BIRC6: variants seen among roughly 807,000 people sequenced by gnomAD.
BIRC6 encodes baculoviral IAP repeat containing 6, also known as dual E2 ubiquitin-conjugating enzyme/E3 ubiquitin-protein ligase BIRC6.
Under a neutral mutation model 503.3 loss-of-function variants are expected in BIRC6, and 98 were observed. The observed-to-expected ratio is 0.19, with a 90% CI of 0.17 to 0.23. The LOEUF (loss-of-function observed/expected upper bound fraction) is 0.23, where lower values mean the gene tolerates loss of function less well. Ranked by LOEUF, BIRC6 falls within the 10% of genes least tolerant of loss-of-function variation. BIRC6 has a pLI of 1.00. For missense variants in BIRC6, 5,360 were observed against 5,806.0 expected, an observed-to-expected ratio of 0.92 and a Z score of 2.50; for synonymous variants, 2,240 against 2,078.7, an observed-to-expected ratio of 1.08 and a Z score of -2.11.
intron 26 of BIRC6, among the ~76,000 whole-genome samples, chr2:32,467,222 C>T (rs1408811717): frequency 6.6e-6 from 1 of 152,070 alleles, no homozygotes; most frequent in African/African-American, 2.4e-5. Flanking sequence ...GCCTGGAGCT[C>T]CTCGGCTCAA....
intron 53 of BIRC6, among the ~76,000 whole-genome samples, chr2:32,511,064 G>A (rs1267613788): frequency 6.6e-6 from 1 of 151,920 alleles, no homozygotes; most frequent in African/African-American, 2.4e-5. Context: ...ATTTATTATT[G>A]ATTATCGTAT....
chr2:32,429,940 T>C (rs1422022733), intron 11 of BIRC6, among the ~76,000 whole-genome samples: 3 of 152,118 alleles, frequency 2.0e-5, no homozygotes, highest in South Asian at 4.1e-4. Flanking sequence ...ATTGGTTGAA[T>C]GGAGAAGATT....
At chr2:32,602,425 TGGGAGGGAAAGGTAGAG>T (rs2062126904) in intron 70 of BIRC6, 1 of 152,076 alleles carries the variant, frequency 6.6e-6, no homozygotes, top group South Asian at 2.1e-4. Flanking sequence ...GTACTAAAGC[TGGGAGGGAAAGGTAGAG>T]AGGAGGGAAT....
In BIRC6 at chr2:32,617,793, T is replaced by C. The variant is rs2063338369; in HGVS notation, c.14463T>C (p.Thr4821=). ...LPCPEGLDPD[T]DDAPEVCRAT... is the part of the protein sequence containing the mutation. ...GCCCTGAAGGCTTGGATCCTGACAC[T>C]GACGATGCCCCAGAGGTGTGCAGAG... The change falls in exon 74 of 74, where the codon ACT becomes ACC. Residue 4821 remains threonine (T), a synonymous_variant. Transcript: ENST00000421745. The C allele has an allele frequency of 6.2e-7, 1 of 1,613,872 alleles. No individual in the cohort carries two copies. Among genetic ancestry groups the C allele is most frequent in the African/African-American group, 1.3e-5 (1 of 74,928 alleles).
At chr2:32,559,426 A>G (rs2059003353) in intron 65 of BIRC6, among the ~76,000 whole-genome samples, 1 of 152,214 alleles carries the variant, frequency 6.6e-6, no homozygotes, top group African/African-American at 2.4e-5. Context: ...TGTAATAACA[A>G]TGAAGTATGT....
In BIRC6 at chr2:32,545,764, A is replaced by G. The variant is rs2058015046; in HGVS notation, c.12714A>G (p.Ala4238=). 6.2e-7 allele frequency: 1 copy of G among 1,613,914 alleles called. No homozygotes were observed. Among genetic ancestry groups the G allele is most frequent in the Non-Finnish European group, 8.5e-7 (1 of 1,179,838 alleles). Residue 4238 remains alanine (A), a synonymous_variant, in exon 63 of 74, where the codon GCA becomes GCG. Transcript: ENST00000421745. ...TDDGVLLRRM[A]LEIGALHLIL... ...ATGGTGTACTTCTAAGGCGGATGGC[A>G]TTGGAAATTGGAGCCTTACACCTCA... is the stretch of plus-strand genomic sequence containing the variant.
At chr2:32,532,274 A>G (rs750384239) in intron 61 of BIRC6, 17 of 497,728 alleles carry the variant, frequency 3.4e-5, no homozygotes, top group Non-Finnish European at 6.2e-5. Context: ...TTTATTCTCA[A>G]TAGTTGAGGA....
intron 10 of BIRC6, among the ~76,000 whole-genome samples, chr2:32,426,149 T>A (rs2043465527): frequency 6.6e-6 from 1 of 152,224 alleles, no homozygotes; most frequent in Non-Finnish European, 1.5e-5. Flanking sequence ...CCGTGTTGAT[T>A]CTGGTTTCTT....
chr2:32,485,077 T>G (rs956880365), intron 39 of BIRC6, among the ~76,000 whole-genome samples: 2 of 152,246 alleles, frequency 1.3e-5, no homozygotes, highest in African/African-American at 4.8e-5. Context: ...GAGCATGGTA[T>G]TTCAAAACCT....
chr2:32,435,455 A>T, intron 13 of BIRC6, 41 bp from the exon 14 acceptor site: 1 of 1,506,720 alleles, frequency 6.6e-7, no homozygotes, highest in Non-Finnish European at 8.8e-7. Flanking sequence ...ATCCTCTAGA[A>T]ACAGCAGTAG....
intron 23 of BIRC6, among the ~76,000 whole-genome samples, chr2:32,462,461 A>G (rs1035984595): frequency 1.3e-5 from 2 of 152,220 alleles, no homozygotes; most frequent in African/African-American, 4.8e-5. Flanking sequence ...TTCATGGGTA[A>G]GAAGTGTGTG....
At position 32,404,120 on chromosome 2, in the gene BIRC6, G is replaced by A. The variant is rs188621977; in HGVS notation, c.1419-2379G>A. On this transcript the variant is annotated intron_variant, in intron 8 of 73. Coordinates refer to ENST00000421745, the MANE Select transcript of BIRC6 (RefSeq NM_016252.4). The stretch of plus-strand genomic sequence containing the variant: ...ATTTTTTGTATTTTTAGTAGAGAAA[G>A]GGTTTCTCCATGTTGGCCAGGCTGT... Among the ~76,000 whole-genome samples the A allele has an allele frequency of 3.1e-3, 473 of 151,984 alleles. 7 individuals carry two copies. Among genetic ancestry groups the A allele is most frequent in the African/African-American group, 0.011 (452 of 41,470 alleles).
Position 32,607,550 on chromosome 2 carries a change from G to C in BIRC6, c.14166G>C (p.Gln4722His). The C allele has an allele frequency of 6.2e-7, 1 of 1,613,876 alleles. No individual in the cohort carries two copies. The change falls in exon 72 of 74, where the codon CAG (glutamine) becomes CAC (histidine). Residue 4722 changes from glutamine to histidine, a missense_variant. Physicochemically the swap from Gln to His is conservative, Grantham distance 24. This residue lies in a region of BIRC6 where 40 missense variants were observed against 53.4 expected (regional missense o/e 0.75). Transcript: ENST00000421745. ...ERSRGTPSGT[Q>H]SSREYDGNIR... ...CTAGAGGCACTCCCAGTGGCACACA[G>C]AGTTCTCGAGAATATGATGGAAACA...
In BIRC6 at chr2:32,406,398, C is replaced by CA. The variant is rs1329979737; in HGVS notation, c.1419-94dup. On this transcript the variant is annotated intron_variant, in intron 8 of 73. Coordinates refer to ENST00000421745, the MANE Select transcript of BIRC6 (RefSeq NM_016252.4). ...TGGATGACAGACTGAGACCCTGTCT[C>CA]AAAAAAACCCACAAAACCAACTGTT... is the stretch of plus-strand genomic sequence containing the variant. The CA allele has an allele frequency of 3.3e-5, 28 of 841,978 alleles. No individual in the cohort carries two copies. In the East Asian group the frequency reaches 6.0e-4, roughly 18 times the overall value. The allele number at this position is 841,978 out of a possible 1,614,324, so 52.2% of individuals were successfully genotyped here.
intron 65 of BIRC6, among the ~76,000 whole-genome samples, chr2:32,555,398 T>G (rs1431934310): frequency 6.6e-6 from 1 of 152,120 alleles, no homozygotes; most frequent in African/African-American, 2.4e-5. Context: ...CCCAGCACTT[T>G]GGGAGGCCGA....
chr2:32,476,274 T>C lies in BIRC6; in HGVS notation c.6782T>C (p.Ile2261Thr), dbSNP rs1311633688. 6.4e-7 allele frequency: 1 copy of C among 1,560,164 alleles called. No homozygotes were observed. The highest frequency in any genetic ancestry group is 1.2e-5 in the South Asian group (1 of 84,550). ...GTAGAACAGATGGAAAAAGAAAAAA[T>C]ACAAAGTAACAAAGGATCATCATAT... The part of the protein sequence containing the change: ...ALVEQMEKEK[I>T]QSNKGSSYKL... The change falls in exon 34 of 74, where the codon ATA becomes ACA. Residue 2261 changes from isoleucine (I) to threonine (T), a missense_variant. This residue lies in a region of BIRC6 where 2,299 missense variants were observed against 2,267.2 expected (regional missense o/e 1.01). Coordinates refer to ENST00000421745, the MANE Select transcript of BIRC6 (RefSeq NM_016252.4).
intron 9 of BIRC6, among the ~76,000 whole-genome samples, chr2:32,411,942 T>A (rs2041936095): frequency 6.6e-6 from 1 of 152,202 alleles, no homozygotes; most frequent in Non-Finnish European, 1.5e-5. Context: ...TGTAAGACTT[T>A]CTTTCCTTTT....
chr2:32,441,315 T>C lies in BIRC6; in HGVS notation c.3811-14T>C, dbSNP rs2045408983. The C allele has an allele frequency of 3.4e-6, 5 of 1,454,792 alleles. No individual in the cohort carries two copies. The highest frequency in any genetic ancestry group is 4.7e-6 in the Non-Finnish European group (5 of 1,068,814). 90.1% of individuals were successfully genotyped at this position (1,454,792 alleles called of 1,614,324 possible). On this transcript the variant is annotated splice_polypyrimidine_tract_variant and intron_variant, in intron 16 of 73. Transcript: ENST00000421745. ...GTTTATTTTTTAAAATTCATTATTA[T>C]TTGTAATGTTTAGGAAAAATCATCT...
chr2:32,566,205 A>C (rs893493423), intron 65 of BIRC6: 3 of 152,156 alleles, frequency 2.0e-5, no homozygotes, highest in African/African-American at 7.2e-5. Flanking sequence ...GCATATTCTA[A>C]TTTTTTATGG....
Sources: gnomAD v4.1 joint callset for allele counts (sites outside exome capture counted in the v4.1 genomes callset) on GRCh38, gnomAD v4.1.1 for gene constraint, gnomAD v4.1.1 regional missense constraint, MANE v1.5 for transcripts, NCBI Gene and HGNC (gene_info 2026-07-23, HGNC 2026-07-21) for gene names.